KLHL20: variants seen among roughly 807,000 people sequenced by gnomAD.
KLHL20 encodes the protein kelch-like protein 20.
In KLHL20, 29 loss-of-function variants were observed where a neutral mutation model predicts 69.5. The observed-to-expected ratio is 0.42, with a 90% CI of 0.31 to 0.57. The LOEUF (loss-of-function observed/expected upper bound fraction) is 0.57. Among genes scored for constraint, KLHL20 ranks in the 20% least tolerant of loss-of-function variants. KLHL20 has a pLI of 0.18. For synonymous variants in KLHL20, 253 were observed against 265.2 expected (o/e 0.95, Z 0.45); for missense variants, 419 against 776.0 (o/e 0.54, Z 5.47).
At chr1:173,723,629 CA>C (rs1671815949) in intron 2 of KLHL20, among the ~76,000 whole-genome samples, 1 of 152,268 alleles carries the variant, frequency 6.6e-6, no homozygotes, top group East Asian at 1.9e-4. Flanking sequence ...CTGTCCTTTG[CA>C]GGCTAGATAT....
chr1:173,740,130 T>C (rs1315815703), intron 3 of KLHL20, among the ~76,000 whole-genome samples: 5 of 150,224 alleles, frequency 3.3e-5, no homozygotes, highest in Non-Finnish European at 7.4e-5. Flanking sequence ...TTTCTTTTTT[T>C]TTTTTTTTAA....
intron 7 of KLHL20, 75 bp from the exon 8 acceptor site, chr1:173,766,071 T>C (rs1647683465): frequency 8.5e-7 from 1 of 1,173,318 alleles, no homozygotes; most frequent in Admixed American, 2.9e-5. Context: ...TATAAATCCA[T>C]GGATTTAGAA....
At chr1:173,763,192 C>T (rs1404100174) in intron 7 of KLHL20, among the ~76,000 whole-genome samples, 2 of 151,770 alleles carry the variant, frequency 1.3e-5, no homozygotes, top group East Asian at 1.9e-4. Context: ...GACCTCAAGA[C>T]CTCTACAAGG....
chr1:173,778,289 A>G lies in KLHL20; in HGVS notation c.1638+2447A>G, dbSNP rs76104190. 2.4e-3 allele frequency among the ~76,000 whole-genome samples: 368 copies of G among 151,524 alleles called. 1 individual carries two copies. The highest frequency in any genetic ancestry group is 8.3e-3 in the African/African-American group (342 of 41,266). On this transcript the variant is annotated intron_variant, in intron 10 of 11. Coordinates refer to ENST00000209884, the MANE Select transcript of KLHL20 (RefSeq NM_014458.4). ...TGTGTCTAAGTGATGTCATTGTTCA[A>G]TTCCGCTGGGAGATTTTTTATTACA...
At chr1:173,771,784 GGA>G (rs1182759221) in intron 8 of KLHL20, among the ~76,000 whole-genome samples, 1 of 152,024 alleles carries the variant, frequency 6.6e-6, no homozygotes, top group African/African-American at 2.4e-5. Context: ...AAAATAAAAG[GGA>G]GAGAGTGTAG....
At chr1:173,768,705 TA>T (rs1428357159) in intron 8 of KLHL20, among the ~76,000 whole-genome samples, 2 of 152,242 alleles carry the variant, frequency 1.3e-5, no homozygotes, top group African/African-American at 4.8e-5. Context: ...TTAACACTAC[TA>T]AACAGTTAAA....
chr1:173,740,123 CTTTTT>C (rs377138582), intron 3 of KLHL20, among the ~76,000 whole-genome samples: 1 of 122,248 alleles, frequency 8.2e-6, no homozygotes. Flanking sequence ...TTTCTTTTTT[CTTTTT>C]TTTTTTTTTT....
chr1:173,753,174 A>C (rs1387143967), intron 4 of KLHL20, 39 bp from the exon 5 acceptor site: 2 of 1,525,716 alleles, frequency 1.3e-6, no homozygotes, highest in Admixed American at 1.7e-5. Context: ...CCTATCTCAA[A>C]ATTAATTAAT....
At chr1:173,743,550 AAC>A (rs1672927890) in intron 3 of KLHL20, among the ~76,000 whole-genome samples, 1 of 151,894 alleles carries the variant, frequency 6.6e-6, no homozygotes, top group Admixed American at 6.6e-5. Context: ...AAAAAAAAAA[AAC>A]TCCATTTTCT....
At chr1:173,738,366 T>C (rs1391285963) in intron 3 of KLHL20, among the ~76,000 whole-genome samples, 1 of 152,140 alleles carries the variant, frequency 6.6e-6, no homozygotes, top group African/African-American at 2.4e-5. Context: ...GACACGGTTT[T>C]GCCATGTTGC....
intron 2 of KLHL20, among the ~76,000 whole-genome samples, chr1:173,730,275 A>G (rs1430869467): frequency 2.0e-5 from 3 of 152,114 alleles, no homozygotes; most frequent in East Asian, 1.9e-4. Flanking sequence ...AATCAATATC[A>G]TGAAAATGGC....
intron 2 of KLHL20, among the ~76,000 whole-genome samples, chr1:173,727,716 C>T (rs1672045388): frequency 6.6e-6 from 1 of 152,078 alleles, no homozygotes; most frequent in Admixed American, 6.6e-5. Flanking sequence ...ATTTTGTCAC[C>T]ACCAGACCTG....
At chr1:173,747,724 C>T (rs1262607185) in intron 3 of KLHL20, among the ~76,000 whole-genome samples, 1 of 151,732 alleles carries the variant, frequency 6.6e-6, no homozygotes, top group Non-Finnish European at 1.5e-5. Flanking sequence ...TACTGTATTT[C>T]TTTTTCTATG....
chr1:173,779,164 A>G (rs1305696675), intron 10 of KLHL20, among the ~76,000 whole-genome samples: 1 of 152,106 alleles, frequency 6.6e-6, no homozygotes, highest in African/African-American at 2.4e-5. Context: ...ATTTGTTTCA[A>G]GAAACTTTTA....
At chr1:173,782,534 C>T (rs988675192) in intron 11 of KLHL20, among the ~76,000 whole-genome samples, 4 of 152,098 alleles carry the variant, frequency 2.6e-5, no homozygotes, top group African/African-American at 9.6e-5. Context: ...ATAAAATGAC[C>T]TGCCTAAGTG....
At chr1:173,775,229 C>G (rs1241331479) in intron 9 of KLHL20, among the ~76,000 whole-genome samples, 1 of 152,186 alleles carries the variant, frequency 6.6e-6, no homozygotes, top group Admixed American at 6.5e-5. Flanking sequence ...TTAAAATGCA[C>G]TGTGCTATAG....
chr1:173,785,659 A>G lies in KLHL20; in HGVS notation c.*412A>G, dbSNP rs572208111. 6.6e-6 allele frequency: 1 copy of G among 152,394 alleles called. No individual in the cohort carries two copies. The highest frequency in any genetic ancestry group is 6.5e-5 in the Admixed American group (1 of 15,296). The allele number at this position is 152,394 out of a possible 1,614,324, so 9.4% of individuals were successfully genotyped here. ...ACACTCCATCCACATGATTCCACTA[A>G]CAAGGATTACCAGGAATAAAGGTAG... On this transcript the variant is annotated 3_prime_UTR_variant, in exon 12 of 12. Coordinates refer to ENST00000209884, the MANE Select transcript of KLHL20 (RefSeq NM_014458.4).
chr1:173,726,910 C>T (rs1360569792), intron 2 of KLHL20, among the ~76,000 whole-genome samples: 9 of 152,114 alleles, frequency 5.9e-5, no homozygotes, highest in African/African-American at 1.7e-4. Context: ...ATGACTTTGA[C>T]GAGTTGAGAG....
intron 3 of KLHL20, among the ~76,000 whole-genome samples, chr1:173,750,720 A>G (rs1673269735): frequency 6.6e-6 from 1 of 151,606 alleles, no homozygotes; most frequent in Non-Finnish European, 1.5e-5. Context: ...AGCCTTAGCT[A>G]ATTTTTTTAT....
Sources: gnomAD v4.1 joint callset for allele counts (sites outside exome capture counted in the v4.1 genomes callset) on GRCh38, gnomAD v4.1.1 for gene constraint, MANE v1.5 for transcripts, NCBI Gene and HGNC (gene_info 2026-07-23, HGNC 2026-07-21) for gene names.